Variants in EYS observed in about 807,000 individuals in gnomAD.
EYS encodes protein eyes shut homolog.
Under a neutral mutation model 282.1 loss-of-function variants are expected in EYS, and 250 were observed. That is an observed-to-expected ratio of 0.89 (90% confidence interval 0.80 to 0.98). The LOEUF is 0.98. Ranked by LOEUF, EYS falls within the 50% of genes least tolerant of loss-of-function variation. The probability of loss-of-function intolerance (pLI) is 0.00; values close to 1 mark genes in which losing one functional copy is unlikely to be tolerated. For synonymous variants in EYS, 1,355 were observed against 1,282.9 expected (o/e 1.06, Z -1.20); for missense variants, 4,016 against 3,709.0 (o/e 1.08, Z -2.15).
At chr6:64,327,556 C>G (rs1468711944) in intron 29 of EYS, among the ~76,000 whole-genome samples, 1 of 152,074 alleles carries the variant, frequency 6.6e-6, no homozygotes, top group Non-Finnish European at 1.5e-5. Context: ...GGTTGGAGAA[C>G]AGCCTGGGCA....
intron 8 of EYS, among the ~76,000 whole-genome samples, chr6:65,367,891 C>A (rs1272589766): frequency 3.3e-5 from 5 of 151,600 alleles, no homozygotes; most frequent in Non-Finnish European, 7.4e-5. Flanking sequence ...ATTGGCATAG[C>A]AGTAATTCCT....
intron 33 of EYS, among the ~76,000 whole-genome samples, chr6:64,038,827 C>T (rs1307505240): frequency 6.7e-6 from 1 of 149,972 alleles, no homozygotes; most frequent in African/African-American, 2.5e-5. Context: ...TTTCTTGAGA[C>T]GGAGTCTCGC....
At chr6:65,407,447 G>A (rs999558903) in intron 5 of EYS, among the ~76,000 whole-genome samples, 2 of 151,620 alleles carry the variant, frequency 1.3e-5, no homozygotes, top group African/African-American at 2.4e-5. Flanking sequence ...GTAGAGATGG[G>A]GTTTCATTAT....
At chr6:64,019,600 G>A (rs554676736) in intron 33 of EYS, among the ~76,000 whole-genome samples, 33 of 151,630 alleles carry the variant, frequency 2.2e-4, no homozygotes, top group East Asian at 3.9e-4. Context: ...TAGTGGAGAC[G>A]GGGTTTCACC....
chr6:64,675,428 C>CT (rs56346431), intron 22 of EYS, among the ~76,000 whole-genome samples: 11,558 of 114,254 alleles, frequency 0.1, 1,072 homozygotes, highest in East Asian at 0.15. Context: ...CTTTTTTTTT[C>CT]TTTTTTTTTT....
chr6:63,970,472 A>G (rs1766513230), intron 35 of EYS, among the ~76,000 whole-genome samples: 1 of 152,114 alleles, frequency 6.6e-6, no homozygotes, highest in South Asian at 2.1e-4. Flanking sequence ...TGTCTCTACT[A>G]AAAATACAAA....
Position 64,230,780 on chromosome 6 carries a change from G to T in EYS, c.6236C>A (p.Ala2079Asp). 6.4e-7 allele frequency: 1 copy of T among 1,551,268 alleles called. No homozygotes were observed. The highest frequency in any genetic ancestry group is 1.2e-5 in the South Asian group (1 of 84,044). The part of the protein sequence containing the change: ...MLSPTASFVD[A>D]SDVTQGVDTM... ...ATCAACCCCTTGTGTCACATCAGAA[G>T]CATCAACAAAGGAGGCTGTTGGAGA... is the stretch of plus-strand genomic sequence containing the variant. Residue 2079 changes from alanine (A) to aspartate (D), a missense_variant, in exon 31 of 43, where the codon GCT becomes GAT. Coordinates refer to ENST00000503581, the MANE Select transcript of EYS (RefSeq NM_001142800.2).
Position 65,512,215 on chromosome 6 carries a change from G to A in EYS, c.-332-16222C>T, listed in dbSNP as rs914281652. 5.7e-4 allele frequency among the ~76,000 whole-genome samples: 87 copies of A among 151,998 alleles called. 1 individual carries two copies. The highest frequency in any genetic ancestry group is 1.8e-3 in the African/African-American group (74 of 41,486). On this transcript the variant is annotated intron_variant, in intron 2 of 42. Transcript: ENST00000503581. ...TAGTATAAAAATTACATTGTAGGCC[G>A]GGCACGGTGGCTCATGCCTGTAATC...
At chr6:65,502,250 T>TACTC (rs1270710669) in intron 2 of EYS, among the ~76,000 whole-genome samples, 4 of 151,732 alleles carry the variant, frequency 2.6e-5, no homozygotes, top group African/African-American at 9.7e-5. Context: ...AAACAAAACA[T>TACTC]ACTCTTACCA....
At chr6:64,862,671 TA>T (rs1208171318) in intron 19 of EYS, among the ~76,000 whole-genome samples, 2 of 151,650 alleles carry the variant, frequency 1.3e-5, no homozygotes, top group East Asian at 3.9e-4. Flanking sequence ...CTGAGGTTTT[TA>T]AAAATTATTA....
At chr6:65,096,369 T>G (rs1003465247) in intron 12 of EYS, among the ~76,000 whole-genome samples, 7 of 150,886 alleles carry the variant, frequency 4.6e-5, no homozygotes, top group African/African-American at 1.7e-4. Context: ...TGGAAAGACA[T>G]GCTGATTTCA....
rs116696341 is a variant in EYS at position 65,381,592 on chromosome 6, A to G, written c.1299+2794T>C. 2.9e-3 allele frequency among the ~76,000 whole-genome samples: 442 copies of G among 152,180 alleles called. 4 individuals carry two copies. The highest frequency in any genetic ancestry group is 0.01 in the African/African-American group (429 of 41,528). ...TAGTACATGTATACCAATGTAACGAACGTTTACATTCAGTACATCTATCCC... is the reference window on the plus strand; with the variant it reads ...TAGTACATGTATACCAATGTAACGAGCGTTTACATTCAGTACATCTATCCC... On this transcript the variant is annotated intron_variant, in intron 8 of 42. Coordinates refer to ENST00000503581, the MANE Select transcript of EYS (RefSeq NM_001142800.2).
At chr6:64,165,601 C>A (rs907239405) in intron 31 of EYS, among the ~76,000 whole-genome samples, 1 of 152,128 alleles carries the variant, frequency 6.6e-6, no homozygotes, top group African/African-American at 2.4e-5. Context: ...ATACTTCATA[C>A]TTTTCATGAT....
chr6:64,302,926 T>G (rs1769285697), intron 30 of EYS, among the ~76,000 whole-genome samples: 1 of 152,066 alleles, frequency 6.6e-6, no homozygotes, highest in Non-Finnish European at 1.5e-5. Context: ...AGGTCCTCTT[T>G]GAATTCCAGC....
intron 13 of EYS, among the ~76,000 whole-genome samples, chr6:65,037,550 A>T (rs574780111): frequency 6.6e-6 from 1 of 151,898 alleles, no homozygotes; most frequent in African/African-American, 2.4e-5. Context: ...TGATTTTCTT[A>T]GTGTTTTTTC....
In EYS at chr6:64,198,142, G is replaced by A. The variant is rs190556084; in HGVS notation, c.6424+32450C>T. ...CAAGTAGCCGGGACTACAGGCGCCC[G>A]CCACCACGGCCGGCCCGGCTAATTT... On this transcript the variant is annotated intron_variant, in intron 31 of 42. Transcript: ENST00000503581. Among the ~76,000 whole-genome samples the A allele has an allele frequency of 9.1e-3, 1,363 of 149,962 alleles. 18 individuals are homozygous for A. Among genetic ancestry groups the A allele is most frequent in the African/African-American group, 0.031 (1,269 of 40,968 alleles).
Position 64,591,144 on chromosome 6 carries a change from A to C in EYS, c.4723T>G (p.Leu1575Val), listed in dbSNP as rs765741480. ...TAAAAGTGGGACTGTTTGCTATGCA[A>C]AACTTGATCTGAGAATTCACGAGAG... is the stretch of plus-strand genomic sequence containing the variant. ...KSSREFSDQVLHSKQSHFYET... is the reference protein window; with the variant it reads ...KSSREFSDQVVHSKQSHFYET... Residue 1575 changes from leucine (L) to valine (V), a missense_variant, in exon 26 of 43, where the codon TTG becomes GTG. Leu to Val is a conservative substitution (Grantham distance 32). Coordinates refer to ENST00000503581, the MANE Select transcript of EYS (RefSeq NM_001142800.2). 18 of 1,551,250 alleles carry C rather than the reference A, an allele frequency of 1.2e-5. No individual in the cohort carries two copies. In the South Asian group the frequency reaches 1.7e-4, roughly 14 times the overall value.
At chr6:63,948,765 T>A (rs1765476333) in intron 35 of EYS, among the ~76,000 whole-genome samples, 1 of 152,196 alleles carries the variant, frequency 6.6e-6, no homozygotes, top group South Asian at 2.1e-4. Context: ...TAATGAGGTT[T>A]AGGTTCTTTA....
intron 13 of EYS, among the ~76,000 whole-genome samples, chr6:65,027,682 C>T (rs938386864): frequency 6.6e-5 from 10 of 152,132 alleles, no homozygotes; most frequent in South Asian, 2.1e-4. Context: ...TGTATGGCTT[C>T]TTTCACGTAA....
Sources: allele counts gnomAD v4.1 joint callset (sites outside exome capture counted in the v4.1 genomes callset), GRCh38; gene constraint gnomAD v4.1.1; transcripts MANE v1.5; gene names NCBI Gene and HGNC (gene_info 2026-07-23, HGNC 2026-07-21).